RASSF8: variants seen among roughly 807,000 people sequenced by gnomAD.
RASSF8 encodes ras association domain-containing protein 8.
A neutral mutation model predicts 48.5 loss-of-function variants in RASSF8; 22 were observed. The ratio of observed to expected loss-of-function variants is 0.45; its 90% CI spans 0.32 to 0.65. The LOEUF (loss-of-function observed/expected upper bound fraction) is 0.65, where lower values mean the gene tolerates loss of function less well. Among genes scored for constraint, RASSF8 ranks in the 30% least tolerant of loss-of-function variants. The probability of loss-of-function intolerance (pLI) is 0.03; values close to 1 mark genes in which losing one functional copy is unlikely to be tolerated. For synonymous variants in RASSF8, 127 were observed against 171.5 expected, an observed-to-expected ratio of 0.74 and a Z score of 2.03; for missense variants, 418 against 489.2, an observed-to-expected ratio of 0.85 and a Z score of 1.37.
intron 2 of RASSF8, among the ~76,000 whole-genome samples, chr12:26,028,809 C>T (rs1293148262): frequency 6.6e-6 from 1 of 152,094 alleles, no homozygotes; most frequent in Admixed American, 6.6e-5. Flanking sequence ...AGAGTATTTG[C>T]TGAGTATATT....
chr12:26,040,925 T>C (rs1184792004), intron 2 of RASSF8, among the ~76,000 whole-genome samples: 3 of 151,558 alleles, frequency 2.0e-5, no homozygotes, highest in African/African-American at 4.9e-5. Context: ...TCTTGCTCTG[T>C]CTCCCAGGCT....
chr12:26,015,206 C>A (rs1205519733), intron 2 of RASSF8, among the ~76,000 whole-genome samples: 68 of 133,158 alleles, frequency 5.1e-4, no homozygotes, highest in Non-Finnish European at 5.1e-4. Flanking sequence ...GATCCCGTCT[C>A]AAAAAAAAAA....
At chr12:26,051,871 A>G (rs77719859) in intron 2 of RASSF8, among the ~76,000 whole-genome samples, 1,747 of 152,292 alleles carry the variant, frequency 0.011, 17 homozygotes, top group Non-Finnish European at 0.018. Context: ...AAGTTTACAT[A>G]ATATATATGT....
At chr12:26,077,797 G>T (rs532788819), downstream of RASSF8, among the ~76,000 whole-genome samples, 1 of 152,152 alleles carries the variant, frequency 6.6e-6, no homozygotes, top group African/African-American at 2.4e-5. Context: ...TGAACTGACA[G>T]TTCATTAAAA....
chr12:26,067,731 A>G lies in RASSF8; in HGVS notation c.1138+18A>G. ...TGAAAGGGGTAAGATGTTGATAAATATGGTTTATTTTCCCTTTATTCTCAC... is the reference window on the plus strand; with the variant it reads ...TGAAAGGGGTAAGATGTTGATAAATGTGGTTTATTTTCCCTTTATTCTCAC... On this transcript the variant is annotated intron_variant, in intron 5 of 5. Transcript: ENST00000689635. The G allele has an allele frequency of 1.2e-6, 2 of 1,613,180 alleles. No homozygotes were observed. The highest frequency in any genetic ancestry group is 1.7e-6 in the Non-Finnish European group (2 of 1,179,628).
intron 2 of RASSF8, among the ~76,000 whole-genome samples, chr12:26,009,446 G>A (rs370294929): frequency 6.6e-6 from 1 of 152,150 alleles, no homozygotes; most frequent in African/African-American, 2.4e-5. Context: ...TGGATGGGTG[G>A]TGGCGGAGAT....
Position 26,070,450 on chromosome 12 carries a change from T to C in RASSF8, c.*1632T>C. The C allele has an allele frequency of 1.0e-6, 1 of 985,394 alleles. No individual in the cohort carries two copies. The highest frequency in any genetic ancestry group is 1.2e-6 in the Non-Finnish European group (1 of 829,898). The allele number at this position is 985,394 out of a possible 1,614,324, so 61.0% of individuals were successfully genotyped here. A position where few individuals can be genotyped will look rare whatever the true frequency, so the allele number is the denominator to read the frequency against. On this transcript the variant is annotated 3_prime_UTR_variant, in exon 6 of 6. Transcript: ENST00000689635. The stretch of plus-strand genomic sequence containing the variant: ...GTGCAGCTAAGTGGCGGACCTCAAC[T>C]GAAGATATGAGTTTCTTTGGGTTCT...
intron 5 of RASSF8, chr12:26,078,950 T>G: frequency 1.8e-5 from 24 of 1,301,924 alleles, no homozygotes; most frequent in Non-Finnish European, 2.2e-5. Flanking sequence ...AGCTAGTAAT[T>G]GAGATCATGA....
chr12:25,970,881 C>CT, intron 1 of RASSF8, among the ~76,000 whole-genome samples: 1 of 152,166 alleles, frequency 6.6e-6, no homozygotes, highest in Non-Finnish European at 1.5e-5. Context: ...ATGGTTCATC[C>CT]TCTTTTTTGC....
chr12:26,077,489 A>C (rs1944082518), downstream of RASSF8, among the ~76,000 whole-genome samples: 1 of 152,200 alleles, frequency 6.6e-6, no homozygotes, highest in South Asian at 2.1e-4. Context: ...ATGGCTAGCC[A>C]GTTTTCCCAG....
chr12:26,019,392 C>G (rs1487544235), intron 2 of RASSF8, among the ~76,000 whole-genome samples: 1 of 152,036 alleles, frequency 6.6e-6, no homozygotes, highest in Non-Finnish European at 1.5e-5. Flanking sequence ...AGGTACAGCA[C>G]CCATCTGCAC....
At chr12:26,077,080 C>T (rs4570682), downstream of RASSF8, among the ~76,000 whole-genome samples, 143,739 of 149,484 alleles carry the variant, frequency 0.96, 69,025 homozygotes, top group South Asian at 0.99. Context: ...GAAGTGTCTG[C>T]TCATATCCTT....
chr12:26,078,922 G>A lies in RASSF8; in HGVS notation c.1139-111G>A. ...CAAAAAAAAAGGCGCTAACCGAAAA[G>A]ACAAAGACCCAAACTAAAGCTAGTA... is the stretch of plus-strand genomic sequence containing the variant. On this transcript the variant is annotated intron_variant, in intron 5 of 5. Transcript: ENST00000381352. 6 of 1,041,686 alleles carry A rather than the reference G, an allele frequency of 5.8e-6. No individual in the cohort carries two copies. In the South Asian group the frequency reaches 1.5e-4, roughly 27 times the overall value. The allele number at this position is 1,041,686 out of a possible 1,614,324, so 64.5% of individuals were successfully genotyped here.
At chr12:26,033,458 ATTAT>A (rs1318961348) in intron 2 of RASSF8, among the ~76,000 whole-genome samples, 1 of 152,130 alleles carries the variant, frequency 6.6e-6, no homozygotes, top group Non-Finnish European at 1.5e-5. Context: ...AAGCTTAGGT[ATTAT>A]TTTCATTCTT....
chr12:26,073,803 C>T (rs569594039), downstream of RASSF8, among the ~76,000 whole-genome samples: 8,530 of 106,314 alleles, frequency 0.08, 425 homozygotes, highest in African/African-American at 0.17. Flanking sequence ...TATGTATACA[C>T]ACACATATAT....
rs574019908 is a variant in RASSF8, at chr12:25,977,433, G to C, written c.-202-17604G>C. ...CTTATTCATTTTTCTTCTATTTAAGGAACAACCCAACTTCCTACTAAGTCT... is the reference window on the plus strand; with the variant it reads ...CTTATTCATTTTTCTTCTATTTAAGCAACAACCCAACTTCCTACTAAGTCT... On this transcript the variant is annotated intron_variant, in intron 1 of 5. Transcript: ENST00000689635. 5.9e-5 allele frequency among the ~76,000 whole-genome samples: 9 copies of C among 152,160 alleles called. No individual in the cohort carries two copies. The East Asian group carries it at 1.7e-3, about 29-fold the overall frequency.
chr12:26,006,722 G>A lies in RASSF8; in HGVS notation c.-109+11592G>A, dbSNP rs1438127915. 1.2e-4 allele frequency among the ~76,000 whole-genome samples: 18 copies of A among 152,218 alleles called. No homozygotes were observed. The South Asian group carries it at 1.9e-3, about 16-fold the overall frequency. ...CATAGTCACTCTAGATACACGCTTC[G>A]TTTCTGACTCATGGTGCGTGCTCAG... On this transcript the variant is annotated intron_variant, in intron 2 of 5. Transcript: ENST00000689635.
chr12:26,038,608 A>AACACACACACACAC lies in RASSF8; in HGVS notation c.-108-16593_-108-16580dup, dbSNP rs57536643. Among the ~76,000 whole-genome samples the AACACACACACACAC allele has an allele frequency of 5.4e-3, 785 of 144,930 alleles. 6 individuals carry two copies. The highest frequency in any genetic ancestry group is 0.011 in the Admixed American group (155 of 14,312). The stretch of plus-strand genomic sequence containing the variant: ...TTGTTTTTTAAAATGTTCTTATTAA[A>AACACACACACACAC]ACACACACACACACACACACACACA... On this transcript the variant is annotated intron_variant, in intron 2 of 5. Coordinates refer to ENST00000689635, the MANE Select transcript of RASSF8 (RefSeq NM_001394098.1).
At chr12:25,969,719 T>C (rs767056958) in intron 1 of RASSF8, among the ~76,000 whole-genome samples, 1 of 152,094 alleles carries the variant, frequency 6.6e-6, no homozygotes, top group Non-Finnish European at 1.5e-5. Flanking sequence ...CCTTGTCTGC[T>C]CCCTCTTGAA....
Sources: gnomAD v4.1 joint callset for allele counts (sites outside exome capture counted in the v4.1 genomes callset) on GRCh38, gnomAD v4.1.1 for gene constraint, MANE v1.5 for transcripts, NCBI Gene and HGNC (gene_info 2026-07-23, HGNC 2026-07-21) for gene names.